The following NT5DC1 variants were observed in gnomAD, a reference collection of about 807,000 sequenced individuals.
NT5DC1 encodes 5'-nucleotidase domain-containing protein 1.
Under a neutral mutation model 59.4 loss-of-function variants are expected in NT5DC1, and 42 were observed. That is an observed-to-expected ratio of 0.71 (90% confidence interval 0.55 to 0.92). NT5DC1 has a LOEUF of 0.92. Among genes scored for constraint, NT5DC1 ranks in the 40% least tolerant of loss-of-function variants. The probability of loss-of-function intolerance (pLI) is 0.00; values close to 1 mark genes in which losing one functional copy is unlikely to be tolerated. For synonymous variants in NT5DC1, 172 were observed against 188.1 expected (o/e 0.91, Z 0.70); for missense variants, 501 against 537.1 (o/e 0.93, Z 0.66).
At chr6:116,222,304 C>CT (rs1781823071) in intron 7 of NT5DC1, among the ~76,000 whole-genome samples, 2 of 152,204 alleles carry the variant, frequency 1.3e-5, no homozygotes, top group South Asian at 2.1e-4. Context: ...ATTTTAATTC[C>CT]TTTTTTATTA....
intron 8 of NT5DC1, 126 bp downstream of exon 8, chr6:116,223,257 T>C (rs751220144): frequency 5.5e-6 from 3 of 546,524 alleles, no homozygotes; most frequent in Non-Finnish European, 9.9e-6. Flanking sequence ...ATAATAAACC[T>C]ATGTTTGTAT....
At chr6:116,156,930 A>C (rs1487552201) in intron 6 of NT5DC1, among the ~76,000 whole-genome samples, 1 of 152,108 alleles carries the variant, frequency 6.6e-6, no homozygotes, top group Admixed American at 6.6e-5. Context: ...CCCCTGGTGC[A>C]TTGACCAGCC....
chr6:116,214,697 T>G (rs1176872275), intron 6 of NT5DC1, among the ~76,000 whole-genome samples: 4 of 152,112 alleles, frequency 2.6e-5, no homozygotes, highest in Non-Finnish European at 4.4e-5. Flanking sequence ...AGTCTGTTTT[T>G]GAAATATCAT....
chr6:116,115,348 T>G (rs1214400250), intron 4 of NT5DC1, among the ~76,000 whole-genome samples: 2 of 152,246 alleles, frequency 1.3e-5, no homozygotes, highest in East Asian at 3.8e-4. Flanking sequence ...AAATTGATTG[T>G]TTTGAAATTC....
At chr6:116,178,995 T>G (rs1780814115) in intron 6 of NT5DC1, among the ~76,000 whole-genome samples, 2 of 152,242 alleles carry the variant, frequency 1.3e-5, no homozygotes, top group African/African-American at 4.8e-5. Flanking sequence ...ATCCTCATCT[T>G]CATAGTTATA....
At chr6:116,226,309 C>A (rs1781908590) in intron 8 of NT5DC1, among the ~76,000 whole-genome samples, 1 of 151,828 alleles carries the variant, frequency 6.6e-6, no homozygotes, top group South Asian at 2.1e-4. Flanking sequence ...AATCTATACC[C>A]CTTTTATACC....
rs557701249 is a variant in NT5DC1 at position 116,167,679 on chromosome 6, A to T, written c.529+49734A>T. 2.0e-5 allele frequency among the ~76,000 whole-genome samples: 3 copies of T among 152,188 alleles called. No individual in the cohort carries two copies. The East Asian group carries it at 5.8e-4, about 29-fold the overall frequency. On this transcript the variant is annotated intron_variant, in intron 6 of 11. Coordinates refer to ENST00000319550, the MANE Select transcript of NT5DC1 (RefSeq NM_152729.3). Reference sequence around the variant, plus strand: ...AGTTTTTAATTTGTTTGAATTGTTCATAGGCAATGTTTCGGCTCAGTGACT... The same window carrying T: ...AGTTTTTAATTTGTTTGAATTGTTCTTAGGCAATGTTTCGGCTCAGTGACT...
rs567151498 is a variant in NT5DC1 at position 116,247,696 on chromosome 6, G to C, written c.*3672G>C. ...CTTTTTTTGGTACTTTGGTCATGTT[G>C]TTTCCTTGGTAAAGATCAAAGTTGA... On this transcript the variant is annotated 3_prime_UTR_variant, in exon 12 of 12. Coordinates refer to ENST00000319550, the MANE Select transcript of NT5DC1 (RefSeq NM_152729.3). 1 of 152,214 alleles carries C rather than the reference G, an allele frequency of 6.6e-6. No homozygotes were observed. The highest frequency in any genetic ancestry group is 1.9e-4 in the East Asian group (1 of 5,182). 9.4% of individuals were successfully genotyped at this position (152,214 alleles called of 1,614,324 possible).
intron 6 of NT5DC1, among the ~76,000 whole-genome samples, chr6:116,163,246 G>GT (rs1780385518): frequency 6.9e-6 from 1 of 145,854 alleles, no homozygotes; most frequent in African/African-American, 2.5e-5. Context: ...TTTTTTTGTT[G>GT]TTGTTTGTTT....
At chr6:116,190,339 G>T (rs1011564850) in intron 6 of NT5DC1, among the ~76,000 whole-genome samples, 2 of 151,848 alleles carry the variant, frequency 1.3e-5, no homozygotes, top group Admixed American at 1.3e-4. Context: ...ATGATAAAAG[G>T]AAGCAATTTT....
chr6:116,128,541 A>T (rs542285561), intron 6 of NT5DC1, among the ~76,000 whole-genome samples: 1 of 152,150 alleles, frequency 6.6e-6, no homozygotes, highest in African/African-American at 2.4e-5. Flanking sequence ...GCAGTTAGCT[A>T]CTATTAAGCT....
intron 6 of NT5DC1, chr6:116,119,345 T>C (rs1299395887): frequency 6.6e-6 from 1 of 152,442 alleles, no homozygotes; most frequent in African/African-American, 2.4e-5. Flanking sequence ...GTCAGATACC[T>C]GTTTCCAAGT....
chr6:116,152,169 G>T (rs1780059201), intron 6 of NT5DC1, among the ~76,000 whole-genome samples: 1 of 152,108 alleles, frequency 6.6e-6, no homozygotes, highest in Non-Finnish European at 1.5e-5. Flanking sequence ...CTTTCAGTAT[G>T]GTTGACTTCT....
At chr6:116,130,865 G>C (rs781631158) in intron 6 of NT5DC1, among the ~76,000 whole-genome samples, 5 of 151,418 alleles carry the variant, frequency 3.3e-5, no homozygotes, top group Non-Finnish European at 5.9e-5. Flanking sequence ...ACCAATATTC[G>C]TACCAGAATA....
At chr6:116,102,726 T>G (rs966117032) in intron 1 of NT5DC1, among the ~76,000 whole-genome samples, 5 of 152,234 alleles carry the variant, frequency 3.3e-5, no homozygotes, top group African/African-American at 1.2e-4. Context: ...GTGGAAATCT[T>G]TTTTATTTTA....
At chr6:116,134,617 G>C (rs1779544790) in intron 6 of NT5DC1, among the ~76,000 whole-genome samples, 1 of 152,156 alleles carries the variant, frequency 6.6e-6, no homozygotes, top group Non-Finnish European at 1.5e-5. Context: ...CCATTCGCAT[G>C]GTGCTGGTTT....
intron 11 of NT5DC1, among the ~76,000 whole-genome samples, chr6:116,241,946 A>C (rs1771738035): frequency 1.1e-5 from 1 of 89,342 alleles, no homozygotes; most frequent in Admixed American, 1.2e-4. Context: ...AAACAAAACA[A>C]AAAAAAAAAA....
chr6:116,219,893 C>T (rs1398801962), intron 6 of NT5DC1, among the ~76,000 whole-genome samples: 5 of 131,800 alleles, frequency 3.8e-5, no homozygotes, highest in Non-Finnish European at 7.7e-5. Flanking sequence ...ACCCGGGAGG[C>T]GGAGGTTGCA....
intron 11 of NT5DC1, among the ~76,000 whole-genome samples, chr6:116,243,306 T>A (rs564481986): frequency 4.0e-4 from 61 of 152,368 alleles, no homozygotes; most frequent in East Asian, 5.8e-4. Flanking sequence ...GAGTTTTTTT[T>A]AAATTTTTAT....
Sources: allele counts gnomAD v4.1 joint callset (sites outside exome capture counted in the v4.1 genomes callset), GRCh38; gene constraint gnomAD v4.1.1; transcripts MANE v1.5; gene names NCBI Gene and HGNC (gene_info 2026-07-23, HGNC 2026-07-21).